PRRX1: variants seen among roughly 807,000 people sequenced by gnomAD.
PRRX1 encodes paired mesoderm homeobox protein 1.
PRRX1 carries 8 observed loss-of-function variants against 24.0 expected under a neutral mutation model. The ratio of observed to expected loss-of-function variants is 0.33; its 90% confidence interval spans 0.20 to 0.60. The LOEUF (loss-of-function observed/expected upper bound fraction) is 0.60, where lower values mean the gene tolerates loss of function less well. Ranked by LOEUF, PRRX1 falls within the 20% of genes least tolerant of loss-of-function variation. PRRX1 has a pLI of 0.82. For missense variants in PRRX1, 281 were observed against 322.4 expected (o/e 0.87, Z 0.98); for synonymous variants, 160 against 131.7 (o/e 1.22, Z -1.47).
intron 1 of PRRX1, among the ~76,000 whole-genome samples, chr1:170,685,184 T>C (rs913146160): frequency 5.9e-5 from 9 of 152,232 alleles, no homozygotes; most frequent in African/African-American, 2.2e-4. Flanking sequence ...CACTAATGTC[T>C]TTATTAATGA....
chr1:170,722,539 C>T (rs1213846344), intron 2 of PRRX1: 1 of 152,050 alleles, frequency 6.6e-6, no homozygotes, highest in South Asian at 2.1e-4. Context: ...TAATATGATT[C>T]CTACATCAGT....
At chr1:170,720,921 C>A (rs867310243) in intron 2 of PRRX1, among the ~76,000 whole-genome samples, 1 of 152,150 alleles carries the variant, frequency 6.6e-6, no homozygotes, top group Non-Finnish European at 1.5e-5. Context: ...CCCTTATATG[C>A]CAAGTAGTGT....
intron 1 of PRRX1, among the ~76,000 whole-genome samples, chr1:170,691,557 C>T (rs1653981926): frequency 6.7e-6 from 1 of 149,612 alleles, no homozygotes; most frequent in Non-Finnish European, 1.5e-5. Context: ...CTCCCTCCCT[C>T]CTTGCCTGCC....
chr1:170,726,273 A>G lies in PRRX1; in HGVS notation c.471A>G (p.Leu157=). Residue 157 remains leucine, a synonymous_variant, in exon 3 of 4, where the codon CTA becomes CTG. Transcript: ENST00000239461. The part of the protein sequence containing the change: ...AKFRRNERAM[L]ANKNASLLKS... Reference sequence around the variant, plus strand: ...TCCGCAGGAATGAGAGAGCCATGCTAGCCAATAAAAACGCTTCCCTCCTCA... The same window carrying G: ...TCCGCAGGAATGAGAGAGCCATGCTGGCCAATAAAAACGCTTCCCTCCTCA... The G allele has an allele frequency of 6.2e-7, 1 of 1,614,056 alleles. No homozygotes were observed.
intron 1 of PRRX1, among the ~76,000 whole-genome samples, chr1:170,713,639 A>G (rs1654814976): frequency 6.6e-6 from 1 of 152,244 alleles, no homozygotes; most frequent in Non-Finnish European, 1.5e-5. Context: ...TGCTTTACAC[A>G]GAGCCACTGA....
chr1:170,672,250 G>A (rs1262568531), intron 1 of PRRX1, among the ~76,000 whole-genome samples: 1 of 152,110 alleles, frequency 6.6e-6, no homozygotes, highest in African/African-American at 2.4e-5. Flanking sequence ...AGGGATTTTC[G>A]ACTTCTTACC....
chr1:170,735,903 C>T, intron 3 of PRRX1, 145 bp from the exon 4 acceptor site: 3 of 1,068,734 alleles, frequency 2.8e-6, no homozygotes, highest in Non-Finnish European at 4.4e-6. Context: ...AAAGCTGGGG[C>T]TGTAAGGGAC....
At position 170,664,421 on chromosome 1, in the gene PRRX1, C is replaced by T; in HGVS notation, c.203C>T (p.Pro68Leu). ...GEAGRSLLESPGLTSGSDTPQ... is the reference protein window; with the variant it reads ...GEAGRSLLESLGLTSGSDTPQ... Reference sequence around the variant, plus strand: ...GCTGGCCGGAGCCTGCTGGAGTCGCCGGGACTCACCAGCGGCAGCGACACC... The same window carrying T: ...GCTGGCCGGAGCCTGCTGGAGTCGCTGGGACTCACCAGCGGCAGCGACACC... Residue 68 changes from proline (P) to leucine (L), a missense_variant, in exon 1 of 4, where the codon CCG (proline) becomes CTG (leucine). Pro to Leu is a moderately conservative substitution (Grantham distance 98). Coordinates refer to ENST00000239461, the MANE Select transcript of PRRX1 (RefSeq NM_022716.4). 6.2e-7 allele frequency: 1 copy of T among 1,609,788 alleles called. No individual in the cohort carries two copies. Among genetic ancestry groups the T allele is most frequent in the Non-Finnish European group, 8.5e-7 (1 of 1,178,604 alleles).
At chr1:170,718,994 T>C (rs1490887525) in intron 1 of PRRX1, among the ~76,000 whole-genome samples, 2 of 152,194 alleles carry the variant, frequency 1.3e-5, no homozygotes, top group Admixed American at 1.3e-4. Context: ...AACTCAAGTT[T>C]GAGTGAAACA....
At chr1:170,725,636 T>C (rs996349134) in intron 2 of PRRX1, among the ~76,000 whole-genome samples, 1 of 152,232 alleles carries the variant, frequency 6.6e-6, no homozygotes, top group African/African-American at 2.4e-5. Context: ...CAGAGATAGC[T>C]GGTTTAGTAG....
intron 1 of PRRX1, among the ~76,000 whole-genome samples, chr1:170,697,475 T>C (rs1451100151): frequency 6.6e-6 from 1 of 151,960 alleles, no homozygotes; most frequent in African/African-American, 2.4e-5. Flanking sequence ...GAGAACTATA[T>C]AGAAAGGAAG....
At chr1:170,729,636 C>CA (rs1293896589) in intron 3 of PRRX1, among the ~76,000 whole-genome samples, 2 of 152,174 alleles carry the variant, frequency 1.3e-5, no homozygotes, top group African/African-American at 4.8e-5. Flanking sequence ...TTGTCCCTAG[C>CA]AAACTGGGAC....
chr1:170,685,904 A>G (rs1653716998), intron 1 of PRRX1, among the ~76,000 whole-genome samples: 1 of 152,042 alleles, frequency 6.6e-6, no homozygotes, highest in Admixed American at 6.6e-5. Flanking sequence ...TTTACAAGTC[A>G]GACTATTGAG....
chr1:170,690,475 A>C (rs1653900873), intron 1 of PRRX1, among the ~76,000 whole-genome samples: 1 of 151,956 alleles, frequency 6.6e-6, no homozygotes, highest in South Asian at 2.1e-4. Flanking sequence ...GCTCCTTTGA[A>C]CCCTTCAGGT....
At chr1:170,711,914 T>C (rs908618568) in intron 1 of PRRX1, among the ~76,000 whole-genome samples, 3 of 152,214 alleles carry the variant, frequency 2.0e-5, no homozygotes, top group African/African-American at 7.2e-5. Flanking sequence ...CTTATCCTTT[T>C]GGAATTTACC....
intron 1 of PRRX1, among the ~76,000 whole-genome samples, chr1:170,707,530 A>G (rs560447700): frequency 4.6e-5 from 7 of 152,312 alleles, no homozygotes; most frequent in South Asian, 4.1e-4. Flanking sequence ...TGATTTTCTC[A>G]AATCCTTTCT....
At chr1:170,690,610 GTT>G (rs1653911042) in intron 1 of PRRX1, among the ~76,000 whole-genome samples, 1 of 152,054 alleles carries the variant, frequency 6.6e-6, no homozygotes, top group Admixed American at 6.6e-5. Flanking sequence ...GAAAATAAGT[GTT>G]TGGTAAAATT....
chr1:170,716,351 G>A (rs1654906439), intron 1 of PRRX1, among the ~76,000 whole-genome samples: 1 of 152,170 alleles, frequency 6.6e-6, no homozygotes, highest in Non-Finnish European at 1.5e-5. Flanking sequence ...TTGGGAGGCC[G>A]AGGCAGGTGG....
chr1:170,672,674 T>C (rs1558043498), intron 1 of PRRX1, among the ~76,000 whole-genome samples: 1 of 152,206 alleles, frequency 6.6e-6, no homozygotes, highest in African/African-American at 2.4e-5. Flanking sequence ...CAATCAAAAT[T>C]TGAGCCAGGA....
Sources: gnomAD v4.1 joint callset for allele counts (sites outside exome capture counted in the v4.1 genomes callset) on GRCh38, gnomAD v4.1.1 for gene constraint, MANE v1.5 for transcripts, NCBI Gene and HGNC (gene_info 2026-07-23, HGNC 2026-07-21) for gene names.